Variants in SLC47A2 observed in about 807,000 individuals in gnomAD.
SLC47A2 encodes solute carrier family 47 member 2.
A neutral mutation model predicts 67.7 loss-of-function variants in SLC47A2; 52 were observed. That is an observed-to-expected ratio of 0.77 (90% CI 0.61 to 0.97). The LOEUF is 0.97. SLC47A2 is among the 50% of genes least tolerant of loss of function. SLC47A2 has a pLI of 0.00. For missense variants in SLC47A2, 676 were observed against 712.3 expected (o/e 0.95, Z 0.58); for synonymous variants, 278 against 292.9 (o/e 0.95, Z 0.52).
intron 11 of SLC47A2, 66 bp from the exon 12 acceptor site, chr17:19,703,233 C>A: frequency 1.4e-6 from 2 of 1,480,604 alleles, no homozygotes; most frequent in Non-Finnish European, 9.4e-7. Flanking sequence ...CTCAGATCAG[C>A]AAAGGGCTGG....
intron 13 of SLC47A2, among the ~76,000 whole-genome samples, chr17:19,695,409 C>T (rs2152345281): frequency 6.7e-6 from 1 of 150,068 alleles, no homozygotes; most frequent in African/African-American, 2.4e-5. Context: ...ATGGTCTGAG[C>T]CCAGGAGTTC....
rs140687936 is a variant in SLC47A2, at chr17:19,705,796, G to A, written c.842-293C>T. Among the ~76,000 whole-genome samples the A allele has an allele frequency of 5.0e-3, 768 of 152,146 alleles. 41 individuals carry two copies. The East Asian group carries it at 0.13, about 26-fold the overall frequency. ...TATTTTTTTGTAGAAACAGAGTTTC[G>A]CCATGTTGGCCAGGCTGGTCTCGAA... On this transcript the variant is annotated intron_variant, in intron 9 of 16. Coordinates refer to ENST00000433844, the MANE Select transcript of SLC47A2 (RefSeq NM_001099646.3).
chr17:19,680,525 T>G (rs1432596695), intron 15 of SLC47A2, among the ~76,000 whole-genome samples: 7 of 152,142 alleles, frequency 4.6e-5, no homozygotes, highest in Non-Finnish European at 8.8e-5. Context: ...TCCAGCATCT[T>G]AAGTGTCAGG....
chr17:19,682,773 T>G (rs2085344897), intron 13 of SLC47A2, among the ~76,000 whole-genome samples: 1 of 152,238 alleles, frequency 6.6e-6, no homozygotes, highest in African/African-American at 2.4e-5. Context: ...AAACAGTGGT[T>G]GTTAGCTTAT....
chr17:19,708,630 A>G (rs909021012), intron 6 of SLC47A2, 86 bp downstream of exon 6: 4 of 1,597,040 alleles, frequency 2.5e-6, no homozygotes, highest in Admixed American at 3.4e-5. Context: ...GATGGTGGAG[A>G]GAAGGGGAAA....
intron 13 of SLC47A2, among the ~76,000 whole-genome samples, chr17:19,701,770 C>T (rs951925432): frequency 1.3e-5 from 2 of 152,100 alleles, no homozygotes; most frequent in Non-Finnish European, 2.9e-5. Flanking sequence ...CACTTGAGCC[C>T]AGGAGTTCAA....
chr17:19,681,807 C>G (rs2085322113), intron 13 of SLC47A2, 137 bp from the exon 14 acceptor site: 5 of 1,089,096 alleles, frequency 4.6e-6, no homozygotes, highest in Non-Finnish European at 6.5e-6. Context: ...GTGCCCTTAT[C>G]TCCCTTTCTT....
intron 10 of SLC47A2, chr17:19,704,530 G>T: frequency 9.4e-7 from 1 of 1,062,970 alleles, no homozygotes; most frequent in Non-Finnish European, 1.3e-6. Context: ...CTCCCTGTAA[G>T]AAAAAAGATA....
At chr17:19,712,877 G>T in intron 4 of SLC47A2, 132 bp from the exon 5 acceptor site, 1 of 788,496 alleles carries the variant, frequency 1.3e-6, no homozygotes, top group Non-Finnish European at 2.1e-6. Context: ...TGAAACCTCA[G>T]CATCAGGGGC....
At chr17:19,711,612 A>AAAAAG (rs1567635918) in intron 5 of SLC47A2, among the ~76,000 whole-genome samples, 9 of 150,456 alleles carry the variant, frequency 6.0e-5, no homozygotes, top group Non-Finnish European at 1.2e-4. Context: ...AAAAAAAAAA[A>AAAAAG]AAAAGAAAAG....
chr17:19,692,990 G>A (rs1323222538), intron 13 of SLC47A2, among the ~76,000 whole-genome samples: 3 of 152,060 alleles, frequency 2.0e-5, no homozygotes, highest in Non-Finnish European at 4.4e-5. Context: ...AATTAGCCAG[G>A]TGTGGTGGTG....
In SLC47A2 at chr17:19,706,631, C is replaced by A; in HGVS notation, c.841+17G>T. ...GCCGCCCACACGCCATTGCGCCCCC[C>A]ATCCTCTTCCACGTACCCATGAGGA... On this transcript the variant is annotated intron_variant, in intron 9 of 16. Transcript: ENST00000433844. 1 of 1,565,994 alleles carries A rather than the reference C, an allele frequency of 6.4e-7. No individual in the cohort carries two copies. Among genetic ancestry groups the A allele is most frequent in the Non-Finnish European group, 8.6e-7 (1 of 1,159,956 alleles).
chr17:19,713,410 AATAATCATC>A (rs1315115305), intron 4 of SLC47A2, among the ~76,000 whole-genome samples: 2 of 147,590 alleles, frequency 1.4e-5, no homozygotes, highest in Non-Finnish European at 3.0e-5. Flanking sequence ...TAATAATAAT[AATAATCATC>A]ATCATCATCA....
At chr17:19,705,819 G>A (rs533518156) in intron 9 of SLC47A2, among the ~76,000 whole-genome samples, 2 of 152,234 alleles carry the variant, frequency 1.3e-5, no homozygotes, top group East Asian at 1.9e-4. Flanking sequence ...GGCTGGTCTC[G>A]AACTCCTGGC....
chr17:19,692,438 G>A, intron 13 of SLC47A2: 2 of 327,090 alleles, frequency 6.1e-6, no homozygotes, highest in Non-Finnish European at 1.2e-5. Flanking sequence ...AAACAATTAA[G>A]GTGAAGTGAG....
chr17:19,707,313 C>A (rs937531533), intron 8 of SLC47A2, among the ~76,000 whole-genome samples: 4 of 152,218 alleles, frequency 2.6e-5, no homozygotes, highest in Admixed American at 2.6e-4. Flanking sequence ...CAGGCCCCTA[C>A]ACGCCTGCTG....
At chr17:19,711,585 T>C (rs1401461389) in intron 5 of SLC47A2, among the ~76,000 whole-genome samples, 1 of 36,342 alleles carries the variant, frequency 2.8e-5, no homozygotes, top group African/African-American at 9.9e-5. Flanking sequence ...CAAAACTCCG[T>C]CTCAAAAAAA....
rs1298534507 is a variant in SLC47A2, at chr17:19,685,248, C to T, written c.1165-3578G>A. 6.6e-6 allele frequency among the ~76,000 whole-genome samples: 1 copy of T among 152,130 alleles called. No individual in the cohort carries two copies. The highest frequency in any genetic ancestry group is 2.4e-5 in the African/African-American group (1 of 41,428). The stretch of plus-strand genomic sequence containing the variant: ...GCCTCCCAAAGTGCTAAGATTACAG[C>T]CTCTGCCCGCCCGCCACCCCATCTA... On this transcript the variant is annotated intron_variant, in intron 13 of 16. Coordinates refer to ENST00000433844, the MANE Select transcript of SLC47A2 (RefSeq NM_001099646.3). The surrounding 1 kb of genome is among the most constrained non-coding windows in gnomAD (Gnocchi z 4.5).
intron 5 of SLC47A2, among the ~76,000 whole-genome samples, chr17:19,709,510 A>G (rs1386636208): frequency 1.3e-5 from 2 of 152,082 alleles, no homozygotes; most frequent in African/African-American, 4.8e-5. Context: ...GCCTCTTCTG[A>G]GATGTGTGAT....
Sources: allele counts gnomAD v4.1 joint callset (sites outside exome capture counted in the v4.1 genomes callset), GRCh38; gene constraint gnomAD v4.1.1; non-coding constraint Gnocchi (gnomAD v3.1); transcripts MANE v1.5; gene names NCBI Gene and HGNC (gene_info 2026-07-23, HGNC 2026-07-21).